TSPAN9: variants seen among roughly 807,000 people sequenced by gnomAD.
The protein encoded by TSPAN9 is tetraspanin 9.
TSPAN9 carries 16 observed loss-of-function variants against 31.0 expected under a neutral mutation model. The ratio of observed to expected loss-of-function variants is 0.52; its 90% confidence interval spans 0.35 to 0.78. The LOEUF (loss-of-function observed/expected upper bound fraction) is 0.78. TSPAN9 is among the 30% of genes least tolerant of loss of function. The pLI is 0.01. For synonymous variants in TSPAN9, 145 were observed against 121.6 expected (o/e 1.19, Z -1.27); for missense variants, 272 against 312.5 (o/e 0.87, Z 0.98).
At chr12:3,241,393 G>A (rs1037143580) in intron 3 of TSPAN9, among the ~76,000 whole-genome samples, 1 of 152,180 alleles carries the variant, frequency 6.6e-6, no homozygotes, top group South Asian at 2.1e-4. Flanking sequence ...CATACATACT[G>A]TAAAGTTTGC....
intron 3 of TSPAN9, among the ~76,000 whole-genome samples, chr12:3,249,340 C>A (rs888403892): frequency 6.6e-6 from 1 of 152,174 alleles, no homozygotes. Flanking sequence ...ACTTCCTGCC[C>A]GCATGGCTCC....
intron 3 of TSPAN9, among the ~76,000 whole-genome samples, chr12:3,256,350 A>C (rs1232068359): frequency 1.3e-5 from 2 of 152,222 alleles, no homozygotes; most frequent in Admixed American, 1.3e-4. Flanking sequence ...AGAGCCACTT[A>C]GGACCAGGGA....
rs555666903 is a variant in TSPAN9 at position 3,130,378 on chromosome 12, A to T, written c.-18+46659A>T. Among the ~76,000 whole-genome samples the T allele has an allele frequency of 3.3e-5, 5 of 152,352 alleles. No homozygotes were observed. In the South Asian group the frequency reaches 1.0e-3, roughly 32 times the overall value. ...CCTCTCATGTTTTCTTGTTCGCGTC[A>T]GCTACTAGCTTTCCGCTTGCTGGCC... On this transcript the variant is annotated intron_variant, in intron 2 of 8. Coordinates refer to ENST00000011898, the MANE Select transcript of TSPAN9 (RefSeq NM_006675.5).
intron 2 of TSPAN9, among the ~76,000 whole-genome samples, chr12:3,155,932 C>A (rs191816130): frequency 2.0e-5 from 3 of 152,276 alleles, no homozygotes; most frequent in Admixed American, 6.5e-5. Context: ...GCCGAAAGGA[C>A]TTGAAGACGT....
chr12:3,246,807 G>C (rs1481686329), intron 3 of TSPAN9, among the ~76,000 whole-genome samples: 1 of 152,208 alleles, frequency 6.6e-6, no homozygotes, highest in African/African-American at 2.4e-5. Flanking sequence ...CTGCCATCCA[G>C]GTGGCTCAGA....
chr12:3,113,689 C>CG, intron 2 of TSPAN9, among the ~76,000 whole-genome samples: 1 of 152,240 alleles, frequency 6.6e-6, no homozygotes, highest in East Asian at 1.9e-4. Flanking sequence ...CTGTGAACCC[C>CG]GGGAGACCCT....
chr12:3,279,108 G>T, intron 5 of TSPAN9, 42 bp downstream of exon 5: 1 of 1,590,190 alleles, frequency 6.3e-7, no homozygotes, highest in Non-Finnish European at 8.6e-7. Flanking sequence ...GAATGTCACT[G>T]CCCTTAGAGT....
chr12:3,109,570 G>A (rs2098317216), intron 2 of TSPAN9, among the ~76,000 whole-genome samples: 1 of 151,748 alleles, frequency 6.6e-6, no homozygotes, highest in South Asian at 2.1e-4. Context: ...GGCCGAGGAG[G>A]GTGGATCACC....
chr12:3,179,543 A>G (rs947834524), intron 2 of TSPAN9, among the ~76,000 whole-genome samples: 2 of 152,204 alleles, frequency 1.3e-5, no homozygotes, highest in African/African-American at 4.8e-5. Flanking sequence ...TACTCTAGAC[A>G]TGTGAGGCAG....
intron 2 of TSPAN9, among the ~76,000 whole-genome samples, chr12:3,138,605 T>C (rs1191295822): frequency 1.3e-5 from 2 of 151,244 alleles, no homozygotes; most frequent in Non-Finnish European, 2.9e-5. Context: ...TCTGGGACTA[T>C]AGGCACGTGC....
At chr12:3,199,787 C>T (rs1236300511) in intron 2 of TSPAN9, among the ~76,000 whole-genome samples, 3 of 152,150 alleles carry the variant, frequency 2.0e-5, no homozygotes, top group African/African-American at 7.2e-5. Flanking sequence ...GCCCCCGGCG[C>T]TTTCCGATAC....
intron 2 of TSPAN9, among the ~76,000 whole-genome samples, chr12:3,190,371 A>T (rs2098363729): frequency 6.6e-6 from 1 of 152,222 alleles, no homozygotes; most frequent in Admixed American, 6.5e-5. Flanking sequence ...GCCTTATCTC[A>T]TCCTCCCCGC....
chr12:3,264,609 G>GGGGCAGTGC (rs1282447262), intron 3 of TSPAN9, among the ~76,000 whole-genome samples: 1 of 152,190 alleles, frequency 6.6e-6, no homozygotes, highest in South Asian at 2.1e-4. Context: ...GGCTGGGGCC[G>GGGGCAGTGC]GGGCAGTGCG....
intron 2 of TSPAN9, among the ~76,000 whole-genome samples, chr12:3,153,498 G>T (rs767614476): frequency 6.6e-6 from 1 of 151,838 alleles, no homozygotes; most frequent in Non-Finnish European, 1.5e-5. Flanking sequence ...CATTCTATTT[G>T]CTTTCTTTAA....
At chr12:3,130,685 C>T (rs942705203) in intron 2 of TSPAN9, among the ~76,000 whole-genome samples, 11 of 152,180 alleles carry the variant, frequency 7.2e-5, no homozygotes, top group East Asian at 1.9e-4. Flanking sequence ...ATAATAGTAC[C>T]GGCCCACAGA....
chr12:3,243,946 C>G (rs527495513), intron 3 of TSPAN9, among the ~76,000 whole-genome samples: 2 of 152,330 alleles, frequency 1.3e-5, no homozygotes, highest in Admixed American at 1.3e-4. Context: ...TTCTGCATTC[C>G]TGGGAACCAG....
intron 3 of TSPAN9, among the ~76,000 whole-genome samples, chr12:3,251,485 A>AAAAGTTCTTTT (rs1862243672): frequency 6.6e-6 from 1 of 152,130 alleles, no homozygotes; most frequent in African/African-American, 2.4e-5. Context: ...TTGATTTCTG[A>AAAAGTTCTTTT]TTATAAAACT....
rs372534375 is a variant in TSPAN9 at position 3,271,212 on chromosome 12, G to A, written c.64-7209G>A. Among the ~76,000 whole-genome samples the A allele has an allele frequency of 3.5e-4, 54 of 152,364 alleles. No individual in the cohort carries two copies. The South Asian group carries it at 4.3e-3, about 12-fold the overall frequency. ...TATGAAGGTGAATTGGAGGCTTTGA[G>A]AGAAAGTGTGGGGTCCAACAGTAAT... On this transcript the variant is annotated intron_variant, in intron 3 of 8. Coordinates refer to ENST00000011898, the MANE Select transcript of TSPAN9 (RefSeq NM_006675.5).
intron 2 of TSPAN9, among the ~76,000 whole-genome samples, chr12:3,085,060 G>A (rs986308864): frequency 6.6e-6 from 1 of 152,208 alleles, no homozygotes; most frequent in East Asian, 1.9e-4. Context: ...ACATGGGCTT[G>A]GGTGGAGGAA....
Sources: gnomAD v4.1 joint callset for allele counts (sites outside exome capture counted in the v4.1 genomes callset) on GRCh38, gnomAD v4.1.1 for gene constraint, MANE v1.5 for transcripts, NCBI Gene and HGNC (gene_info 2026-07-23, HGNC 2026-07-21) for gene names.